CFAP20DC: variants seen among roughly 807,000 people sequenced by gnomAD.
The protein encoded by CFAP20DC is protein CFAP20DC.
Under a neutral mutation model 101.7 loss-of-function variants are expected in CFAP20DC, and 84 were observed. The ratio of observed to expected loss-of-function variants is 0.83; its 90% CI spans 0.69 to 0.99. The LOEUF is 0.99. CFAP20DC is among the 50% of genes least tolerant of loss of function. CFAP20DC has a pLI of 0.00. For missense variants in CFAP20DC, 1,007 were observed against 970.3 expected, an observed-to-expected ratio of 1.04 and a Z score of -0.50; for synonymous variants, 359 against 351.2, an observed-to-expected ratio of 1.02 and a Z score of -0.25.
At chr3:58,804,976 G>A (rs1314929912) in intron 15 of CFAP20DC, among the ~76,000 whole-genome samples, 2 of 152,132 alleles carry the variant, frequency 1.3e-5, no homozygotes. Flanking sequence ...GAGATTACTA[G>A]TAAAGAACAT....
At chr3:58,808,437 ACCC>A in intron 14 of CFAP20DC, among the ~76,000 whole-genome samples, 2 of 152,380 alleles carry the variant, frequency 1.3e-5, no homozygotes, top group South Asian at 4.1e-4. Flanking sequence ...AGAATTTTCA[ACCC>A]AGAATTTCAT....
intron 5 of CFAP20DC, among the ~76,000 whole-genome samples, chr3:58,919,371 G>A (rs1219407027): frequency 1.3e-5 from 2 of 152,130 alleles, no homozygotes; most frequent in Non-Finnish European, 2.9e-5. Flanking sequence ...GAATAAAGCT[G>A]TTGTTTATTG....
intron 13 of CFAP20DC, among the ~76,000 whole-genome samples, chr3:58,842,230 T>C (rs1422928584): frequency 1.3e-5 from 2 of 152,052 alleles, no homozygotes; most frequent in African/African-American, 4.8e-5. Context: ...AGACGGGTGA[T>C]TTCTGCATTT....
chr3:59,048,494 C>A (rs114017759), intron 1 of CFAP20DC, among the ~76,000 whole-genome samples: 99 of 152,270 alleles, frequency 6.5e-4, no homozygotes, highest in African/African-American at 2.4e-3. Flanking sequence ...CTCGGTGAGA[C>A]GGCAAACTCT....
intron 15 of CFAP20DC, among the ~76,000 whole-genome samples, chr3:58,762,411 TA>T (rs1050023292): frequency 6.6e-5 from 10 of 152,186 alleles, no homozygotes; most frequent in Non-Finnish European, 2.9e-5. Flanking sequence ...TCCATCCTTT[TA>T]TTTTGAGCCT....
At chr3:58,824,009 A>C (rs1036280265) in intron 14 of CFAP20DC, among the ~76,000 whole-genome samples, 4 of 152,288 alleles carry the variant, frequency 2.6e-5, no homozygotes, top group Non-Finnish European at 5.9e-5. Context: ...AACACAGAAC[A>C]ACTTGCACAT....
chr3:58,958,496 T>G (rs894230081), intron 4 of CFAP20DC, among the ~76,000 whole-genome samples: 1 of 152,180 alleles, frequency 6.6e-6, no homozygotes, highest in Non-Finnish European at 1.5e-5. Flanking sequence ...AGTATTCATG[T>G]TCAACTCTTT....
intron 7 of CFAP20DC, among the ~76,000 whole-genome samples, chr3:58,883,806 A>G (rs934070687): frequency 6.6e-6 from 1 of 152,170 alleles, no homozygotes. Flanking sequence ...AATTTTTGAC[A>G]TTAAAAATGT....
At position 58,760,707 on chromosome 3, in the gene CFAP20DC, C is replaced by A. The variant is rs560833304; in HGVS notation, c.2238-6844G>T. Among the ~76,000 whole-genome samples the A allele has an allele frequency of 1.8e-4, 27 of 152,220 alleles. 1 individual carries two copies. The South Asian group carries it at 5.6e-3, about 32-fold the overall frequency. On this transcript the variant is annotated intron_variant, in intron 15 of 16. Transcript: ENST00000482387. ...AGCTCTTATTATTTTGAGATACATC[C>A]CAGCAATACCTAATTTATTGAGAGT...
chr3:59,025,038 C>T (rs73837014), intron 4 of CFAP20DC, among the ~76,000 whole-genome samples: 2,681 of 152,202 alleles, frequency 0.018, 64 homozygotes, highest in African/African-American at 0.06. Flanking sequence ...GTTTATTATG[C>T]CTTAATTCAT....
chr3:58,759,215 T>C (rs999647840), intron 15 of CFAP20DC, among the ~76,000 whole-genome samples: 32 of 152,256 alleles, frequency 2.1e-4, no homozygotes, highest in Admixed American at 1.1e-3. Flanking sequence ...TCCTGACTTT[T>C]TAAGGATTGC....
intron 15 of CFAP20DC, among the ~76,000 whole-genome samples, chr3:58,779,652 C>G (rs910740733): frequency 6.6e-6 from 1 of 151,930 alleles, no homozygotes; most frequent in Non-Finnish European, 1.5e-5. Context: ...TGAAATGACC[C>G]AGTCTGACAA....
intron 4 of CFAP20DC, among the ~76,000 whole-genome samples, chr3:59,022,287 T>C (rs898815317): frequency 1.3e-5 from 2 of 152,066 alleles, no homozygotes; most frequent in Non-Finnish European, 2.9e-5. Flanking sequence ...GTCCTCGTTT[T>C]GCCACTAAGA....
intron 6 of CFAP20DC, among the ~76,000 whole-genome samples, chr3:58,893,746 G>A (rs1265184946): frequency 6.6e-6 from 1 of 151,802 alleles, no homozygotes; most frequent in Non-Finnish European, 1.5e-5. Flanking sequence ...CAGAATCCAG[G>A]TGTGAATCCA....
rs1200108302 is a variant in CFAP20DC at position 58,788,366 on chromosome 3, G to C, written c.2237+18029C>G. Among the ~76,000 whole-genome samples the C allele has an allele frequency of 6.6e-6, 1 of 152,038 alleles. No individual in the cohort carries two copies. The highest frequency in any genetic ancestry group is 1.5e-5 in the Non-Finnish European group (1 of 68,002). ...CCACGGTTACCGGGGAAATCCTATT[G>C]GTGAGAATCCACAGACATTTTTGAG... On this transcript the variant is annotated intron_variant, in intron 15 of 16. Coordinates refer to ENST00000482387, the MANE Select transcript of CFAP20DC (RefSeq NM_001394063.1). The surrounding 1 kb of genome is among the most constrained non-coding windows in gnomAD (Gnocchi z 4.2).
chr3:58,949,149 T>G (rs2089755815), intron 4 of CFAP20DC, among the ~76,000 whole-genome samples: 2 of 152,204 alleles, frequency 1.3e-5, no homozygotes, highest in African/African-American at 4.8e-5. Flanking sequence ...CCTTTATCAT[T>G]TTTTATTGTG....
intron 4 of CFAP20DC, among the ~76,000 whole-genome samples, chr3:58,994,414 G>A (rs936589760): frequency 2.6e-5 from 4 of 152,096 alleles, no homozygotes. Flanking sequence ...ATTCTATGAG[G>A]CAGAGAAAAG....
intron 15 of CFAP20DC, among the ~76,000 whole-genome samples, chr3:58,783,169 T>C (rs540131030): frequency 3.9e-5 from 6 of 151,960 alleles, no homozygotes; most frequent in Middle Eastern, 3.4e-3. Flanking sequence ...GCCAAGAACA[T>C]ACATTCAGGA....
chr3:59,030,155 T>A (rs995657842), intron 4 of CFAP20DC, among the ~76,000 whole-genome samples: 4 of 152,240 alleles, frequency 2.6e-5, no homozygotes, highest in African/African-American at 9.6e-5. Context: ...GCCAGATACC[T>A]TTCTGTTATG....
Sources: allele counts gnomAD v4.1 joint callset (sites outside exome capture counted in the v4.1 genomes callset), GRCh38; gene constraint gnomAD v4.1.1; non-coding constraint Gnocchi (gnomAD v3.1); transcripts MANE v1.5; gene names NCBI Gene and HGNC (gene_info 2026-07-23, HGNC 2026-07-21).